Variants in DMD observed in about 807,000 individuals in gnomAD.
The protein encoded by DMD is dystrophin.
In DMD, 63 loss-of-function variants were observed where a neutral mutation model predicts 330.1. The observed-to-expected ratio is 0.19, with a 90% confidence interval of 0.16 to 0.24. The LOEUF (loss-of-function observed/expected upper bound fraction) is 0.24. Ranked by LOEUF, DMD falls within the 10% of genes least tolerant of loss-of-function variation. The pLI is 1.00. For missense variants in DMD, 3,344 were observed against 2,684.1 expected, an observed-to-expected ratio of 1.25 and a Z score of -5.43; for synonymous variants, 1,223 against 959.8, an observed-to-expected ratio of 1.27 and a Z score of -5.07.
At chrX:31,356,951 CAGAG>C (rs1569531973) in intron 60 of DMD, among the ~76,000 whole-genome samples, 1 of 87,645 alleles carries the variant, frequency 1.1e-5, no homozygotes, top group African/African-American at 4.4e-5. Flanking sequence ...TTTTTGGTCT[CAGAG>C]AGAAAAGAGG....
intron 9 of DMD, among the ~76,000 whole-genome samples, chrX:32,682,510 TCA>T (rs1464015480): frequency 8.9e-6 from 1 of 111,769 alleles, no homozygotes; most frequent in Non-Finnish European, 1.9e-5. Context: ...TATTCAAATA[TCA>T]CATATTTGAC....
At position 31,578,712 on chromosome X, in the gene DMD, T is replaced by C. The variant is rs146894607; in HGVS notation, c.8217+48961A>G. ...AACTAAGATGAGGCTGGCCTATAAA[T>C]GAAGCTTATTGGTAGATACAACTGG... is the stretch of plus-strand genomic sequence containing the variant. On this transcript the variant is annotated intron_variant, in intron 55 of 78. Coordinates refer to ENST00000357033, the MANE Select transcript of DMD (RefSeq NM_004006.3). 1.2e-3 allele frequency among the ~76,000 whole-genome samples: 131 copies of C among 112,051 alleles called. 1 individual carries two copies. The highest frequency in any genetic ancestry group is 4.2e-3 in the African/African-American group (128 of 30,817).
At chrX:31,206,543 C>T (rs770125273) in intron 66 of DMD, 39 bp downstream of exon 66, 2 of 1,103,369 alleles carry the variant, frequency 1.8e-6, no homozygotes, top group Non-Finnish European at 2.5e-6. Context: ...AATTAGCCAA[C>T]ATTAATAAAA....
intron 48 of DMD, among the ~76,000 whole-genome samples, chrX:31,863,751 TGTA>T (rs976567326): frequency 9.0e-6 from 1 of 111,653 alleles, no homozygotes; most frequent in Non-Finnish European, 1.9e-5. Context: ...CTTAGAGCCT[TGTA>T]GTCACAGGAA....
intron 55 of DMD, among the ~76,000 whole-genome samples, chrX:31,517,280 G>T (rs970783820): frequency 1.2e-4 from 13 of 111,435 alleles, no homozygotes; most frequent in Non-Finnish European, 1.9e-4. Flanking sequence ...CTATTGTGAG[G>T]TTTCATTAAT....
intron 41 of DMD, among the ~76,000 whole-genome samples, chrX:32,329,026 T>C (rs1053421162): frequency 9.0e-6 from 1 of 111,630 alleles, no homozygotes; most frequent in Non-Finnish European, 1.9e-5. Flanking sequence ...ATGTTATACA[T>C]TCATTCATTC....
chrX:31,803,927 G>A (rs1305285887), intron 50 of DMD, among the ~76,000 whole-genome samples: 4 of 109,893 alleles, frequency 3.6e-5, no homozygotes, highest in African/African-American at 1.0e-4. Flanking sequence ...TCAAACTCCC[G>A]ACCTCAGGTG....
intron 59 of DMD, among the ~76,000 whole-genome samples, chrX:31,468,816 C>G (rs2067072209): frequency 9.0e-6 from 1 of 111,664 alleles, no homozygotes; most frequent in African/African-American, 3.3e-5. Context: ...TTGTAGGTCT[C>G]TAAGAACTTA....
At chrX:31,960,409 T>C (rs1451274726) in intron 45 of DMD, among the ~76,000 whole-genome samples, 1 of 111,600 alleles carries the variant, frequency 9.0e-6, no homozygotes, top group Non-Finnish European at 1.9e-5. Context: ...GGTAAGTCAA[T>C]GGTGCTTGCT....
At chrX:32,645,897 C>A (rs904922336) in intron 9 of DMD, among the ~76,000 whole-genome samples, 1 of 111,908 alleles carries the variant, frequency 8.9e-6, no homozygotes, top group Non-Finnish European at 1.9e-5. Context: ...TACGAAGCAT[C>A]CATAATTCTA....
At position 32,670,152 on chromosome X, in the gene DMD, G is replaced by A. The variant is rs755403017; in HGVS notation, c.961-25000C>T. Reference sequence around the variant, plus strand: ...TGGTCCCAGAGGATTTATATGAAAAGTTATTATACTTCCTATCTCTACTGT... The same window carrying A: ...TGGTCCCAGAGGATTTATATGAAAAATTATTATACTTCCTATCTCTACTGT... On this transcript the variant is annotated intron_variant, in intron 9 of 78. Coordinates refer to ENST00000357033, the MANE Select transcript of DMD (RefSeq NM_004006.3). Among the ~76,000 whole-genome samples the A allele has an allele frequency of 1.5e-4, 17 of 111,580 alleles. No individual in the cohort carries two copies. In the East Asian group the frequency reaches 4.0e-3, roughly 26 times the overall value.
chrX:32,169,915 A>G (rs755548045), intron 44 of DMD, among the ~76,000 whole-genome samples: 1 of 112,150 alleles, frequency 8.9e-6, no homozygotes, highest in African/African-American at 3.2e-5. Context: ...AATGACAATA[A>G]AGAAAAAAAA....
intron 9 of DMD, among the ~76,000 whole-genome samples, chrX:32,684,387 A>C (rs2062692684): frequency 9.0e-6 from 1 of 111,666 alleles, no homozygotes; most frequent in Non-Finnish European, 1.9e-5. Context: ...ATTGCATTAA[A>C]AATATTTACC....
At chrX:32,530,355 A>T (rs1329377883) in intron 17 of DMD, among the ~76,000 whole-genome samples, 2 of 112,255 alleles carry the variant, frequency 1.8e-5, no homozygotes, top group Non-Finnish European at 3.8e-5. Flanking sequence ...AGAGAATAAA[A>T]CTGCTGTAAA....
Position 33,035,725 on chromosome X carries a change from T to C in DMD, c.32-15525A>G, listed in dbSNP as rs568214387. Among the ~76,000 whole-genome samples the C allele has an allele frequency of 7.1e-5, 8 of 111,896 alleles. No homozygotes were observed. The South Asian group carries it at 3.0e-3, about 42-fold the overall frequency. ...AGGAACCACTCAAATGTGGAATTGA[T>C]GGTTTTCACAGGATATAAAAAACAT... On this transcript the variant is annotated intron_variant, in intron 1 of 78. Coordinates refer to ENST00000357033, the MANE Select transcript of DMD (RefSeq NM_004006.3).
chrX:32,880,926 G>A (rs186069304), intron 2 of DMD, among the ~76,000 whole-genome samples: 7 of 112,600 alleles, frequency 6.2e-5, no homozygotes, highest in Admixed American at 5.6e-4. Context: ...CCTGGGCAAC[G>A]ACAGCAAAAC....
At chrX:31,518,812 G>A (rs1475465958) in intron 55 of DMD, among the ~76,000 whole-genome samples, 4 of 111,249 alleles carry the variant, frequency 3.6e-5, no homozygotes, top group Non-Finnish European at 5.7e-5. Context: ...ACAAATCATA[G>A]AGTTGTTGTT....
chrX:33,149,687 C>A (rs1371048831), intron 1 of DMD, among the ~76,000 whole-genome samples: 5 of 111,640 alleles, frequency 4.5e-5, no homozygotes. Context: ...GTACTAGAGT[C>A]AATAGATCTA....
intron 7 of DMD, among the ~76,000 whole-genome samples, chrX:32,804,843 T>G (rs1360060668): frequency 9.0e-6 from 1 of 111,636 alleles, no homozygotes; most frequent in African/African-American, 3.3e-5. Context: ...GGGTCTAGAG[T>G]GGACCTCCAG....
Sources: allele counts gnomAD v4.1 joint callset (sites outside exome capture counted in the v4.1 genomes callset), GRCh38; gene constraint gnomAD v4.1.1; transcripts MANE v1.5; gene names NCBI Gene and HGNC (gene_info 2026-07-23, HGNC 2026-07-21).